Variants in SPPL2B observed in about 807,000 individuals in gnomAD.
SPPL2B encodes signal peptide peptidase-like 2B.
SPPL2B carries 39 observed loss-of-function variants against 59.7 expected under a neutral mutation model. The observed-to-expected ratio is 0.65, with a 90% CI of 0.51 to 0.85. The LOEUF (loss-of-function observed/expected upper bound fraction) is 0.85. Among genes scored for constraint, SPPL2B ranks in the 40% least tolerant of loss-of-function variants. The probability of loss-of-function intolerance (pLI) is 0.00; values close to 1 mark genes in which losing one functional copy is unlikely to be tolerated. For missense variants in SPPL2B, 865 were observed against 849.0 expected (o/e 1.02, Z -0.23); for synonymous variants, 419 against 370.8 (o/e 1.13, Z -1.49).
At chr19:2,352,869 C>A in intron 14 of SPPL2B, 77 bp from the exon 15 acceptor site, 3 of 1,528,200 alleles carry the variant, frequency 2.0e-6, no homozygotes, top group Non-Finnish European at 2.7e-6. Flanking sequence ...CCTGCGGGTG[C>A]TGGGTGTCCT....
At chr19:2,351,967 C>G (rs1969952309) in intron 14 of SPPL2B, among the ~76,000 whole-genome samples, 2 of 152,146 alleles carry the variant, frequency 1.3e-5, no homozygotes, top group African/African-American at 4.8e-5. Flanking sequence ...CATCGGGCAT[C>G]CATCGCCTCT....
chr19:2,345,217 G>A (rs751041523), intron 12 of SPPL2B, 36 bp from the exon 13 acceptor site: 11 of 1,596,228 alleles, frequency 6.9e-6, no homozygotes, highest in African/African-American at 5.4e-5. Flanking sequence ...GAGGCTCTGC[G>A]GGCCCGAGTA....
intron 13 of SPPL2B, 125 bp downstream of exon 13, chr19:2,345,455 G>A (rs1377035468): frequency 4.9e-6 from 4 of 811,158 alleles, no homozygotes; most frequent in Non-Finnish European, 6.1e-6. Context: ...CTCTAACACC[G>A]TAACCATAAC....
At position 2,344,052 on chromosome 19, in the gene SPPL2B, C is replaced by G; in HGVS notation, c.1113+13C>G. ...CTTCCTGACCAAGGTAGGCGACTGC[C>G]TGTCCCTGCTCCACCCCATCACCCC... On this transcript the variant is annotated intron_variant, in intron 10 of 14. Coordinates refer to ENST00000613503, the MANE Select transcript of SPPL2B (RefSeq NM_152988.3). The G allele has an allele frequency of 6.5e-7, 1 of 1,541,496 alleles. No individual in the cohort carries two copies.
chr19:2,352,798 G>A (rs1969996624), intron 14 of SPPL2B, 148 bp from the exon 15 acceptor site: 2 of 864,240 alleles, frequency 2.3e-6, no homozygotes, highest in South Asian at 1.8e-5. Context: ...TATGGAGCCG[G>A]CCCCCTCCTT....
chr19:2,340,410 G>T (rs1411650167), intron 7 of SPPL2B: 2 of 632,240 alleles, frequency 3.2e-6, no homozygotes, highest in African/African-American at 3.7e-5. Context: ...CTTGTCCCCA[G>T]GAACCCTGCC....
chr19:2,340,217 G>A, intron 7 of SPPL2B, 45 bp downstream of exon 7: 2 of 1,424,604 alleles, frequency 1.4e-6, no homozygotes, highest in Non-Finnish European at 1.9e-6. Context: ...TCTGTGCGGT[G>A]ATGGCCACGG....
intron 1 of SPPL2B, among the ~76,000 whole-genome samples, chr19:2,329,979 C>A (rs931165277): frequency 1.3e-5 from 2 of 152,100 alleles, no homozygotes; most frequent in African/African-American, 4.8e-5. Flanking sequence ...TGGACTCCCC[C>A]CATTCTGCAG....
chr19:2,329,942 A>AC (rs1355245762), intron 1 of SPPL2B, among the ~76,000 whole-genome samples: 2 of 149,154 alleles, frequency 1.3e-5, no homozygotes, highest in African/African-American at 5.0e-5. Flanking sequence ...CCCCAGTCCT[A>AC]CCCCCAGCTG....
intron 13 of SPPL2B, among the ~76,000 whole-genome samples, chr19:2,350,398 C>T (rs1192011216): frequency 3.7e-5 from 5 of 134,806 alleles, no homozygotes; most frequent in African/African-American, 1.4e-4. Flanking sequence ...CGTTCTCATT[C>T]GCTTGATTCC....
intron 12 of SPPL2B, among the ~76,000 whole-genome samples, chr19:2,344,882 A>T (rs1969279213): frequency 1.3e-5 from 2 of 152,020 alleles, no homozygotes; most frequent in African/African-American, 4.8e-5. Context: ...AGGCCCCCCG[A>T]TTGCAGACAG....
chr19:2,350,879 A>G (rs1969889227), intron 13 of SPPL2B, among the ~76,000 whole-genome samples: 1 of 152,206 alleles, frequency 6.6e-6, no homozygotes, highest in Non-Finnish European at 1.5e-5. Context: ...GTGTATTTAC[A>G]TGCACACGTA....
intron 13 of SPPL2B, among the ~76,000 whole-genome samples, 177 bp downstream of exon 13, chr19:2,345,507 G>A (rs897513028): frequency 3.3e-5 from 5 of 152,114 alleles, no homozygotes; most frequent in African/African-American, 1.2e-4. Context: ...AGCTGGGCTC[G>A]GGTGGCTGGG....
chr19:2,336,898 GGT>G (rs368029610), intron 2 of SPPL2B, among the ~76,000 whole-genome samples: 6,137 of 124,242 alleles, frequency 0.049, 158 homozygotes, highest in Middle Eastern at 0.079. Context: ...TCTGGCTGTG[GGT>G]GTGTGTGTGT....
In SPPL2B at chr19:2,344,611, G is replaced by A. The variant is rs767917138; in HGVS notation, c.1235G>A (p.Arg412Gln). 6 of 1,613,080 alleles carry A rather than the reference G, an allele frequency of 3.7e-6. No homozygotes were observed. The highest frequency in any genetic ancestry group is 3.4e-6 in the Non-Finnish European group (4 of 1,179,560). The change falls in exon 12 of 15, where the codon CGG becomes CAG. Residue 412 changes from arginine (R) to glutamine (Q), a missense_variant. Physicochemically the swap from Arg to Gln is conservative, Grantham distance 43. Transcript: ENST00000613503. ...TCCTCACCTCTGGCCCTGTGTGACCGGCCCTTCTCCCTCCTGGGTTTCGGA... is the reference window on the plus strand; with the variant it reads ...TCCTCACCTCTGGCCCTGTGTGACCAGCCCTTCTCCCTCCTGGGTTTCGGA... ...LNSSPLALCD[R>Q]PFSLLGFGDI...
intron 8 of SPPL2B, chr19:2,341,798 G>A (rs923109545): frequency 5.5e-6 from 2 of 364,416 alleles, no homozygotes; most frequent in Non-Finnish European, 1.1e-5. Flanking sequence ...GTCACATGAA[G>A]TTAGAGCAGG....
chr19:2,344,477 G>A lies in SPPL2B; in HGVS notation c.1176+53G>A, dbSNP rs1046433012. ...GTTGCCATGGGTCAAGGTGTTGCGC[G>A]GAGCGGATAGGGCTCGAGGCATCCC... On this transcript the variant is annotated intron_variant, in intron 11 of 14. Transcript: ENST00000613503. 2.0e-5 allele frequency: 32 copies of A among 1,564,022 alleles called. No individual in the cohort carries two copies. In the African/African-American group the frequency reaches 2.2e-4, roughly 11 times the overall value.
At position 2,344,671 on chromosome 19, in the gene SPPL2B, CACACG is replaced by C. The variant is rs1599234424; in HGVS notation, c.1276+20_1276+24del. ...GTGCCAGGTACTGAGGCGGGTGGAG[CACACG>C]GGTCCACGCTGTGGGGCAGGGCCCC... On this transcript the variant is annotated intron_variant, in intron 12 of 14. Coordinates refer to ENST00000613503, the MANE Select transcript of SPPL2B (RefSeq NM_152988.3). The C allele has an allele frequency of 6.7e-7, 1 of 1,503,296 alleles. No homozygotes were observed. Among genetic ancestry groups the C allele is most frequent in the Non-Finnish European group, 9.2e-7 (1 of 1,084,098 alleles). The allele number at this position is 1,503,296 out of a possible 1,614,324, so 93.1% of individuals were successfully genotyped here.
intron 1 of SPPL2B, among the ~76,000 whole-genome samples, chr19:2,334,189 G>T (rs1968433746): frequency 6.6e-6 from 1 of 152,236 alleles, no homozygotes. Flanking sequence ...GCCCAGGCTG[G>T]GGGCCAGGTC....
Sources: gnomAD v4.1 joint callset for allele counts (sites outside exome capture counted in the v4.1 genomes callset) on GRCh38, gnomAD v4.1.1 for gene constraint, MANE v1.5 for transcripts, NCBI Gene and HGNC (gene_info 2026-07-23, HGNC 2026-07-21) for gene names.